Variants in SENP6 observed in about 807,000 individuals in gnomAD.
The protein encoded by SENP6 is sentrin-specific protease 6.
Under a neutral mutation model 134.5 loss-of-function variants are expected in SENP6, and 41 were observed. That is an observed-to-expected ratio of 0.30 (90% CI 0.24 to 0.40). SENP6 has a LOEUF of 0.40. SENP6 is among the 10% of genes least tolerant of loss of function. The pLI, the probability that SENP6 is intolerant of heterozygous loss-of-function variation, is 1.00. For missense variants in SENP6, 1,248 were observed against 1,312.5 expected, an observed-to-expected ratio of 0.95 and a Z score of 0.76; for synonymous variants, 395 against 429.8, an observed-to-expected ratio of 0.92 and a Z score of 1.00.
At chr6:75,708,164 A>G (rs1775529366) in intron 19 of SENP6, among the ~76,000 whole-genome samples, 2 of 152,172 alleles carry the variant, frequency 1.3e-5, no homozygotes, top group African/African-American at 4.8e-5. Flanking sequence ...GGTTCAAGCA[A>G]TTCTCCTGTC....
intron 3 of SENP6, among the ~76,000 whole-genome samples, chr6:75,624,836 A>T (rs1205984263): frequency 2.0e-5 from 3 of 151,860 alleles, no homozygotes; most frequent in South Asian, 2.1e-4. Flanking sequence ...TTAATTATTT[A>T]AAAAAAATGT....
rs773833083 is a variant in SENP6, at chr6:75,670,533, C to T, written c.1225-20C>T. The stretch of plus-strand genomic sequence containing the variant: ...TTATTTTAGTAAATTATTAAGTGAA[C>T]ATTTTCTTTTCCTTTTTAGTTTGGC... On this transcript the variant is annotated intron_variant, in intron 10 of 23. Coordinates refer to ENST00000447266, the MANE Select transcript of SENP6 (RefSeq NM_015571.4). The T allele has an allele frequency of 5.7e-6, 9 of 1,567,266 alleles. No individual in the cohort carries two copies. The highest frequency in any genetic ancestry group is 7.8e-6 in the Non-Finnish European group (9 of 1,148,452).
At chr6:75,606,662 A>G (rs1002646680) in intron 1 of SENP6, among the ~76,000 whole-genome samples, 8 of 152,212 alleles carry the variant, frequency 5.3e-5, no homozygotes, top group African/African-American at 2.4e-5. Flanking sequence ...TAGAAATCCA[A>G]AATCCTCCAG....
At chr6:75,691,636 G>T (rs1401414915) in intron 16 of SENP6, among the ~76,000 whole-genome samples, 1 of 150,828 alleles carries the variant, frequency 6.6e-6, no homozygotes, top group African/African-American at 2.4e-5. Flanking sequence ...GCCTCGCTCT[G>T]TTGCCCAGTT....
At chr6:75,711,495 TAAA>T in intron 21 of SENP6, 79 bp downstream of exon 21, 1 of 880,930 alleles carries the variant, frequency 1.1e-6, no homozygotes, top group Non-Finnish European at 1.7e-6. Flanking sequence ...GTTTTTTTTT[TAAA>T]TAAATACTTA....
chr6:75,670,689 C>A lies in SENP6; in HGVS notation c.1361C>A (p.Thr454Lys). Residue 454 changes from threonine to lysine, a missense_variant, in exon 11 of 24, where the codon ACA becomes AAA. By Grantham distance (78) the Thr-to-Lys change is moderately conservative (BLOSUM62 -1). Coordinates refer to ENST00000447266, the MANE Select transcript of SENP6 (RefSeq NM_015571.4). Reference protein sequence around the residue: ...ILNCRSIRVGTLFRLLIEPVI... With the variant: ...ILNCRSIRVGKLFRLLIEPVI... The stretch of plus-strand genomic sequence containing the variant: ...AACTGTCGAAGTATACGAGTAGGAA[C>A]ACTCTTCCGGCTGTTAATAGAGCCT... 1 of 1,612,288 alleles carries A rather than the reference C, an allele frequency of 6.2e-7. No homozygotes were observed. Among genetic ancestry groups the A allele is most frequent in the East Asian group, 2.2e-5 (1 of 44,774 alleles).
chr6:75,619,435 C>T (rs1415923425), intron 1 of SENP6, among the ~76,000 whole-genome samples: 2 of 123,214 alleles, frequency 1.6e-5, no homozygotes, highest in Non-Finnish European at 3.4e-5. Flanking sequence ...AATAACATTC[C>T]GTTGTGTCTA....
intron 16 of SENP6, among the ~76,000 whole-genome samples, chr6:75,690,092 A>G (rs1287260435): frequency 1.3e-5 from 2 of 152,028 alleles, no homozygotes; most frequent in South Asian, 2.1e-4. Flanking sequence ...TTTCACTTTT[A>G]TACAGATGGT....
At chr6:75,621,409 A>C (rs190255976) in intron 1 of SENP6, 123 bp from the exon 2 acceptor site, 1 of 616,376 alleles carries the variant, frequency 1.6e-6, no homozygotes, top group African/African-American at 1.9e-5. Flanking sequence ...TACAAAAAAT[A>C]GACAAAGGCA....
chr6:75,620,836 TG>T (rs1275678957), intron 1 of SENP6: 2 of 152,312 alleles, frequency 1.3e-5, no homozygotes, highest in East Asian at 3.9e-4. Flanking sequence ...CTCATTTTGC[TG>T]GGGCCTTGAG....
At chr6:75,602,619 C>A (rs1417661770) in intron 1 of SENP6, 43 bp downstream of exon 1, 2 of 1,541,664 alleles carry the variant, frequency 1.3e-6, no homozygotes, top group Non-Finnish European at 1.8e-6. Flanking sequence ...GGAGGGTATA[C>A]TGGAAAACGT....
intron 16 of SENP6, among the ~76,000 whole-genome samples, chr6:75,695,254 A>C (rs1259549170): frequency 6.6e-6 from 1 of 152,192 alleles, no homozygotes; most frequent in Non-Finnish European, 1.5e-5. Flanking sequence ...GCTCAATTTC[A>C]GCTAACTGCA....
At chr6:75,701,238 ATAGCCTGTTCCTTGTATCC>A (rs1775002577) in intron 18 of SENP6, among the ~76,000 whole-genome samples, 2 of 152,208 alleles carry the variant, frequency 1.3e-5, no homozygotes, top group Non-Finnish European at 2.9e-5. Context: ...CCTGACATCT[ATAGCCTGTTCCTTGTATCC>A]CAGCACAGCC....
intron 1 of SENP6, among the ~76,000 whole-genome samples, chr6:75,617,707 T>C (rs1767969501): frequency 6.6e-6 from 1 of 152,232 alleles, no homozygotes; most frequent in African/African-American, 2.4e-5. Flanking sequence ...TTACCTGAAC[T>C]ACAAACTTTA....
At chr6:75,657,889 G>A (rs1771468372) in intron 7 of SENP6, among the ~76,000 whole-genome samples, 1 of 152,074 alleles carries the variant, frequency 6.6e-6, no homozygotes, top group African/African-American at 2.4e-5. Flanking sequence ...AACACATGAA[G>A]AAATGAACCT....
chr6:75,611,177 T>G (rs1180657236), intron 1 of SENP6: 2 of 152,230 alleles, frequency 1.3e-5, no homozygotes, highest in Non-Finnish European at 2.9e-5. Flanking sequence ...TGACTCTGCT[T>G]CTGTGGAAAC....
chr6:75,672,583 G>C (rs1772761794), intron 11 of SENP6, among the ~76,000 whole-genome samples: 2 of 152,174 alleles, frequency 1.3e-5, no homozygotes, highest in Non-Finnish European at 2.9e-5. Context: ...AGAATAATTA[G>C]TGGATCTGTA....
At chr6:75,609,517 G>T (rs1561959547) in intron 1 of SENP6, among the ~76,000 whole-genome samples, 1 of 152,150 alleles carries the variant, frequency 6.6e-6, no homozygotes, top group Non-Finnish European at 1.5e-5. Flanking sequence ...CAAATAATTT[G>T]CAGCTATCTT....
rs779848584 is a variant in SENP6 at position 75,716,493 on chromosome 6, A to G, written c.*899A>G. 1.3e-5 allele frequency: 2 copies of G among 151,894 alleles called. No homozygotes were observed. The highest frequency in any genetic ancestry group is 2.4e-5 in the African/African-American group (1 of 41,402). The allele number at this position is 151,894 out of a possible 1,614,324, so 9.4% of individuals were successfully genotyped here. ...AGCTTTTGCTATTTTTTCATTGCTC[A>G]TTTTGTTCTTATTATTTTGATAAAG... On this transcript the variant is annotated 3_prime_UTR_variant, in exon 24 of 24. Transcript: ENST00000447266.
Sources: allele counts gnomAD v4.1 joint callset (sites outside exome capture counted in the v4.1 genomes callset), GRCh38; gene constraint gnomAD v4.1.1; transcripts MANE v1.5; gene names NCBI Gene and HGNC (gene_info 2026-07-23, HGNC 2026-07-21).